Variants in IL2RB observed in about 807,000 individuals in gnomAD.
The protein encoded by IL2RB is interleukin-2 receptor subunit beta.
In IL2RB, 17 loss-of-function variants were observed where a neutral mutation model predicts 44.2. The observed-to-expected ratio is 0.38, with a 90% CI of 0.26 to 0.58. The LOEUF is 0.58. Among genes scored for constraint, IL2RB ranks in the 20% least tolerant of loss-of-function variants. The pLI is 0.63. For synonymous variants in IL2RB, 286 were observed against 297.9 expected, an observed-to-expected ratio of 0.96 and a Z score of 0.41; for missense variants, 624 against 685.5, an observed-to-expected ratio of 0.91 and a Z score of 1.00.
chr22:37,135,543 G>A (rs564697585), intron 7 of IL2RB, 101 bp from the exon 8 acceptor site: 91 of 699,946 alleles, frequency 1.3e-4, no homozygotes, highest in Non-Finnish European at 2.0e-4. Context: ...GCCCTGCCAC[G>A]CAGGCCTGCG....
intron 8 of IL2RB, among the ~76,000 whole-genome samples, chr22:37,134,487 T>C (rs1195883112): frequency 2.0e-5 from 3 of 152,132 alleles, no homozygotes; most frequent in African/African-American, 4.8e-5. Context: ...GTGCCTGTAG[T>C]CCCAGCTACT....
upstream of IL2RB, among the ~76,000 whole-genome samples, chr22:37,153,858 A>G (rs1011221117): frequency 6.6e-6 from 1 of 152,220 alleles, no homozygotes; most frequent in African/African-American, 2.4e-5. Context: ...ATCCGCAGCC[A>G]AAGCCAGAAG....
chr22:37,144,058 G>C (rs191009984), intron 2 of IL2RB, 27 bp downstream of exon 2: 47 of 1,551,648 alleles, frequency 3.0e-5, no homozygotes, highest in Non-Finnish European at 8.7e-7. Flanking sequence ...AGGGAAAGCA[G>C]AGCTGTTCAG....
At position 37,126,536 on chromosome 22, in the gene IL2RB, G is replaced by C. The variant is rs946729253; in HGVS notation, c.*1560C>G. 1 of 152,210 alleles carries C rather than the reference G, an allele frequency of 6.6e-6. No homozygotes were observed. The highest frequency in any genetic ancestry group is 1.9e-4 in the East Asian group (1 of 5,186). 9.4% of individuals were successfully genotyped at this position (152,210 alleles called of 1,614,324 possible). ...AAGACAGAGTTGATCTGATTGGCTA[G>C]TTCAGGCCCAGCCTACCTGATTGGA... On this transcript the variant is annotated 3_prime_UTR_variant, in exon 10 of 10. Transcript: ENST00000216223.
At chr22:37,133,656 G>A (rs1259756456) in intron 8 of IL2RB, among the ~76,000 whole-genome samples, 4 of 152,194 alleles carry the variant, frequency 2.6e-5, no homozygotes, top group Non-Finnish European at 4.4e-5. Flanking sequence ...ACCAGGCCAC[G>A]CTCCACACAG....
intron 1 of IL2RB, among the ~76,000 whole-genome samples, chr22:37,157,588 A>G (rs1029680963): frequency 6.6e-6 from 1 of 152,192 alleles, no homozygotes; most frequent in Non-Finnish European, 1.5e-5. Context: ...TAAGATTTAC[A>G]GTGATATTCC....
At chr22:37,155,195 G>C (rs1922636797) in intron 1 of IL2RB, among the ~76,000 whole-genome samples, 1 of 152,082 alleles carries the variant, frequency 6.6e-6, no homozygotes, top group Admixed American at 6.5e-5. Context: ...AGGTGCACCT[G>C]CTTTCTTCAG....
chr22:37,137,198 T>C (rs1485489644), intron 6 of IL2RB, among the ~76,000 whole-genome samples: 2 of 152,126 alleles, frequency 1.3e-5, no homozygotes, highest in East Asian at 3.8e-4. Context: ...GAGTGAGCAG[T>C]TGAGTGAATG....
intron 4 of IL2RB, among the ~76,000 whole-genome samples, chr22:37,139,685 G>A (rs183352140): frequency 6.6e-6 from 1 of 152,294 alleles, no homozygotes; most frequent in African/African-American, 2.4e-5. Flanking sequence ...ATTTTTTAGT[G>A]TGAAAGGCCC....
intron 8 of IL2RB, among the ~76,000 whole-genome samples, chr22:37,132,868 G>A (rs1322603114): frequency 6.6e-6 from 1 of 152,220 alleles, no homozygotes; most frequent in Non-Finnish European, 1.5e-5. Flanking sequence ...AGGCGGGAGA[G>A]AGGAGATGGG....
intron 1 of IL2RB, among the ~76,000 whole-genome samples, chr22:37,159,368 C>T (rs1922782573): frequency 6.6e-6 from 1 of 152,068 alleles, no homozygotes; most frequent in African/African-American, 2.4e-5. Flanking sequence ...CAGAAACATG[C>T]TCTCACTCAA....
chr22:37,171,921 C>T (rs1438599941), intron 1 of IL2RB, among the ~76,000 whole-genome samples: 1 of 152,134 alleles, frequency 6.6e-6, no homozygotes, highest in East Asian at 1.9e-4. Flanking sequence ...ACTCTTGCAC[C>T]TTATATAAAC....
chr22:37,144,820 G>A (rs554690057), intron 1 of IL2RB, among the ~76,000 whole-genome samples: 52 of 152,238 alleles, frequency 3.4e-4, no homozygotes, highest in Admixed American at 3.9e-4. Context: ...TTTATTCATC[G>A]TTTATTGACT....
chr22:37,164,415 CT>C (rs1219445687), intron 1 of IL2RB, among the ~76,000 whole-genome samples: 4 of 144,060 alleles, frequency 2.8e-5, no homozygotes, highest in Non-Finnish European at 6.1e-5. Context: ...TGCTGACACT[CT>C]GGCTGAAGTC....
chr22:37,142,792 C>A (rs1380451144), intron 3 of IL2RB: 7 of 573,478 alleles, frequency 1.2e-5, no homozygotes, highest in Middle Eastern at 5.4e-4. Flanking sequence ...GTCCTCCCCA[C>A]CTAGAGCCCT....
upstream of IL2RB, among the ~76,000 whole-genome samples, chr22:37,152,929 CTTT>C (rs67046193): frequency 7.9e-4 from 69 of 86,978 alleles, no homozygotes; most frequent in South Asian, 7.7e-3. Context: ...GCTGTGGCCT[CTTT>C]TTTTTTTTTT....
At chr22:37,164,861 T>C (rs756326454) in intron 1 of IL2RB, among the ~76,000 whole-genome samples, 1 of 152,192 alleles carries the variant, frequency 6.6e-6, no homozygotes, top group Non-Finnish European at 1.5e-5. Flanking sequence ...CACCAGGCCC[T>C]ATTCTAAGTA....
rs761527107 is a variant in IL2RB, at chr22:37,128,548, C to T, written c.1204G>A (p.Gly402Arg). ...GGCTGCAGGGGTTGGGGGGAAGACCCTGTGGGTGCCCCGGCCACACCCTCA... is the reference window on the plus strand; with the variant it reads ...GGCTGCAGGGGTTGGGGGGAAGACCTTGTGGGTGCCCCGGCCACACCCTCA... ...PDEGVAGAPTGSSPQPLQPLS... is the reference protein window; with the variant it reads ...PDEGVAGAPTRSSPQPLQPLS... The change falls in exon 10 of 10, where the codon GGG becomes AGG. Residue 402 changes from glycine (G) to arginine (R), a missense_variant. Physicochemically the swap from Gly to Arg is moderately radical, Grantham distance 125. Coordinates refer to ENST00000216223, the MANE Select transcript of IL2RB (RefSeq NM_000878.5). This position sits in a 1 kb window ranked among gnomAD's most constrained non-coding sequence, Gnocchi z 4.5. 1.2e-6 allele frequency: 2 copies of T among 1,613,800 alleles called. No homozygotes were observed. The highest frequency in any genetic ancestry group is 1.7e-6 in the Non-Finnish European group (2 of 1,179,792).
chr22:37,154,371 T>C (rs1922600196), upstream of IL2RB, among the ~76,000 whole-genome samples: 1 of 152,160 alleles, frequency 6.6e-6, no homozygotes. Flanking sequence ...CCTGGTGGAA[T>C]GGGTCCCCAG....
Sources: allele counts gnomAD v4.1 joint callset (sites outside exome capture counted in the v4.1 genomes callset), GRCh38; gene constraint gnomAD v4.1.1; non-coding constraint Gnocchi (gnomAD v3.1); transcripts MANE v1.5; gene names NCBI Gene and HGNC (gene_info 2026-07-23, HGNC 2026-07-21).